Variants in CAMTA1 observed in about 807,000 individuals in gnomAD.
CAMTA1 encodes the protein calmodulin-binding transcription activator 1.
CAMTA1 carries 27 observed loss-of-function variants against 170.9 expected under a neutral mutation model. The observed-to-expected ratio is 0.16, with a 90% CI of 0.12 to 0.22. The LOEUF (loss-of-function observed/expected upper bound fraction) is 0.22. Among genes scored for constraint, CAMTA1 ranks in the 10% least tolerant of loss-of-function variants. CAMTA1 has a pLI of 1.00. For synonymous variants in CAMTA1, 833 were observed against 891.5 expected, an observed-to-expected ratio of 0.93 and a Z score of 1.17; for missense variants, 1,619 against 2,217.2, an observed-to-expected ratio of 0.73 and a Z score of 5.42.
intron 6 of CAMTA1, among the ~76,000 whole-genome samples, chr1:7,472,646 G>T (rs1184628019): frequency 1.1e-4 from 16 of 152,192 alleles, no homozygotes; most frequent in South Asian, 2.1e-4. Flanking sequence ...AAGTGGGACA[G>T]CTGCTGGGCC....
chr1:6,816,739 TG>T (rs1645868321), intron 1 of CAMTA1, among the ~76,000 whole-genome samples: 1 of 152,228 alleles, frequency 6.6e-6, no homozygotes, highest in Non-Finnish European at 1.5e-5. Context: ...ACCGCGGCTC[TG>T]CAGGTGCTTA....
Position 7,075,914 on chromosome 1 carries a change from C to T in CAMTA1, c.235-15390C>T, listed in dbSNP as rs552729016. ...CTGATCTCAGGCGATCCACACACCT[C>T]GGCCTCCCAAAGTGCTGGGATTATA... is the stretch of plus-strand genomic sequence containing the variant. On this transcript the variant is annotated intron_variant, in intron 3 of 22. Transcript: ENST00000303635. Among the ~76,000 whole-genome samples the T allele has an allele frequency of 5.1e-4, 78 of 152,228 alleles. 2 individuals are homozygous for T. The South Asian group carries it at 0.012, about 24-fold the overall frequency.
chr1:7,193,704 G>A (rs1429332609), intron 4 of CAMTA1, among the ~76,000 whole-genome samples: 1 of 152,150 alleles, frequency 6.6e-6, no homozygotes, highest in Non-Finnish European at 1.5e-5. Flanking sequence ...AATGCAGAGA[G>A]CCCAGGCAGT....
chr1:7,177,987 G>A (rs1301221537), intron 4 of CAMTA1, among the ~76,000 whole-genome samples: 1 of 151,312 alleles, frequency 6.6e-6, no homozygotes, highest in African/African-American at 2.4e-5. Flanking sequence ...CCCCACGCGT[G>A]GAGGCTCCTC....
chr1:6,962,875 G>C (rs1690737350), intron 3 of CAMTA1, among the ~76,000 whole-genome samples: 1 of 127,682 alleles, frequency 7.8e-6, no homozygotes, highest in South Asian at 2.5e-4. Flanking sequence ...CCCTGTGACT[G>C]GCCCCACCCT....
chr1:7,761,426 AT>A (rs34659887), intron 22 of CAMTA1, among the ~76,000 whole-genome samples: 22,917 of 148,040 alleles, frequency 0.15, 1,943 homozygotes, highest in African/African-American at 0.18. Context: ...TGCAGTTATA[AT>A]TTTTTTTTTT....
intron 5 of CAMTA1, among the ~76,000 whole-genome samples, chr1:7,356,343 C>T (rs941399369): frequency 5.1e-4 from 77 of 152,376 alleles, no homozygotes; most frequent in African/African-American, 1.8e-3. Flanking sequence ...AATTGCACCA[C>T]ACCTGTCACA....
At position 7,591,495 on chromosome 1, in the gene CAMTA1, C is replaced by T. The variant is rs115174229; in HGVS notation, c.511-48905C>T. ...ATTGAAACTAGGCCTTTGCACACTG[C>T]TCCAAGGCCTCAAAGTTTCCAGGAA... is the stretch of plus-strand genomic sequence containing the variant. On this transcript the variant is annotated intron_variant, in intron 6 of 22. Coordinates refer to ENST00000303635, the MANE Select transcript of CAMTA1 (RefSeq NM_015215.4). Among the ~76,000 whole-genome samples the T allele has an allele frequency of 4.4e-3, 674 of 152,352 alleles. 5 individuals carry two copies. The highest frequency in any genetic ancestry group is 0.016 in the African/African-American group (655 of 41,578).
chr1:7,131,004 A>T (rs1645217771), intron 4 of CAMTA1, among the ~76,000 whole-genome samples: 2 of 150,766 alleles, frequency 1.3e-5, no homozygotes, highest in South Asian at 4.2e-4. Flanking sequence ...ACCAGGCTGG[A>T]GTGCAGTGGC....
chr1:7,481,622 C>T (rs2093535859), intron 6 of CAMTA1, among the ~76,000 whole-genome samples: 1 of 152,118 alleles, frequency 6.6e-6, no homozygotes, highest in Non-Finnish European at 1.5e-5. Context: ...GTACACACAC[C>T]CGTACAGCTG....
intron 11 of CAMTA1, chr1:7,694,430 A>G (rs182121037): frequency 1.3e-5 from 2 of 152,364 alleles, no homozygotes; most frequent in South Asian, 2.1e-4. Context: ...TCCACCTAAA[A>G]TATGAAATTA....
chr1:7,615,810 C>G (rs1175979474), intron 6 of CAMTA1, among the ~76,000 whole-genome samples: 1 of 152,202 alleles, frequency 6.6e-6, no homozygotes, highest in African/African-American at 2.4e-5. Flanking sequence ...TTGGCCAGCT[C>G]TCCCTGGCTT....
chr1:7,431,586 G>A (rs1350296365), intron 5 of CAMTA1, among the ~76,000 whole-genome samples: 3 of 152,162 alleles, frequency 2.0e-5, no homozygotes, highest in Admixed American at 6.5e-5. Context: ...CTGCCCTCCC[G>A]AATGGACGGC....
chr1:6,943,296 T>C (rs951142377), intron 3 of CAMTA1, among the ~76,000 whole-genome samples: 2 of 151,926 alleles, frequency 1.3e-5, no homozygotes, highest in Admixed American at 6.6e-5. Context: ...TCCTCAGGGC[T>C]CAACTGTGGT....
chr1:7,237,218 T>A (rs1433972546), intron 4 of CAMTA1, among the ~76,000 whole-genome samples: 1 of 152,204 alleles, frequency 6.6e-6, no homozygotes, highest in African/African-American at 2.4e-5. Flanking sequence ...CATCATCTGT[T>A]CTTAAAGGGG....
intron 5 of CAMTA1, chr1:7,441,146 C>G (rs1407980589): frequency 2.0e-5 from 3 of 152,186 alleles, no homozygotes; most frequent in Non-Finnish European, 4.4e-5. Flanking sequence ...GAGTTTTCTA[C>G]TTCTGTTGTT....
At chr1:7,117,424 C>A (rs529609714) in intron 4 of CAMTA1, among the ~76,000 whole-genome samples, 1 of 152,258 alleles carries the variant, frequency 6.6e-6, no homozygotes, top group East Asian at 1.9e-4. Flanking sequence ...GCATGGCAGC[C>A]TGGAGAGTAA....
chr1:7,643,892 TG>T (rs2095785406), intron 7 of CAMTA1, among the ~76,000 whole-genome samples: 1 of 99,690 alleles, frequency 1.0e-5, no homozygotes, highest in African/African-American at 1.2e-4. Flanking sequence ...ACCAGCTAAG[TG>T]TGTGTGTCCG....
chr1:7,409,931 C>T (rs2149252733), intron 5 of CAMTA1, among the ~76,000 whole-genome samples: 1 of 151,954 alleles, frequency 6.6e-6, no homozygotes, highest in South Asian at 2.1e-4. Context: ...TGGACCTGGC[C>T]AAGAACAGGA....
Sources: gnomAD v4.1 joint callset for allele counts (sites outside exome capture counted in the v4.1 genomes callset) on GRCh38, gnomAD v4.1.1 for gene constraint, MANE v1.5 for transcripts, NCBI Gene and HGNC (gene_info 2026-07-23, HGNC 2026-07-21) for gene names.